The following FRMD4A variants were observed in gnomAD, a reference collection of about 807,000 sequenced individuals.
FRMD4A encodes the protein FERM domain containing 4A.
FRMD4A carries 29 observed loss-of-function variants against 129.1 expected under a neutral mutation model. That is an observed-to-expected ratio of 0.22 (90% CI 0.17 to 0.31). FRMD4A has a LOEUF of 0.31. Among genes scored for constraint, FRMD4A ranks in the 10% least tolerant of loss-of-function variants. The pLI is 1.00. For synonymous variants in FRMD4A, 634 were observed against 571.6 expected (o/e 1.11, Z -1.56); for missense variants, 1,272 against 1,375.8 (o/e 0.92, Z 1.19).
intron 2 of FRMD4A, among the ~76,000 whole-genome samples, chr10:14,039,403 C>CTATCTATCTATCTATCTATCTATCTATCT (rs1565204547): frequency 1.4e-5 from 2 of 141,302 alleles, no homozygotes; most frequent in African/African-American, 5.9e-5. Flanking sequence ...TCCATCCATC[C>CTATCTATCTATCTATCTATCTATCTATCT]ATCCATCTAT....
chr10:13,981,976 C>A (rs954913973), intron 2 of FRMD4A, among the ~76,000 whole-genome samples: 1 of 152,108 alleles, frequency 6.6e-6, no homozygotes, highest in Non-Finnish European at 1.5e-5. Context: ...AAAATGAAAG[C>A]CTTAGAAGCA....
At chr10:13,759,420 G>A (rs1025518617) in intron 8 of FRMD4A, among the ~76,000 whole-genome samples, 4 of 152,282 alleles carry the variant, frequency 2.6e-5, no homozygotes, top group Non-Finnish European at 4.4e-5. Flanking sequence ...CCCATGATCC[G>A]TGGGGCCAGA....
At chr10:13,832,708 G>C (rs1045045845) in intron 3 of FRMD4A, among the ~76,000 whole-genome samples, 5 of 152,196 alleles carry the variant, frequency 3.3e-5, no homozygotes, top group African/African-American at 1.2e-4. Context: ...GGGGACTAGA[G>C]GGTGAGGCCT....
Position 13,693,919 on chromosome 10 carries a change from T to G in FRMD4A, c.1096A>C (p.Ser366Arg), listed in dbSNP as rs1204402694. ...GSKGKIISGS[S>R]GSLLSSGSQE... ...CTACCTGAAGACAGCAGGCTGCCGC[T>G]GCTGCCGCTGATGATCTTCCCCTTG... The change falls in exon 15 of 25, where the codon AGC becomes CGC. Residue 366 changes from serine to arginine, a missense_variant. By Grantham distance (110) the Ser-to-Arg change is moderately radical. Transcript: ENST00000357447. The G allele has an allele frequency of 6.2e-7, 1 of 1,608,014 alleles. No individual in the cohort carries two copies. The highest frequency in any genetic ancestry group is 2.2e-5 in the East Asian group (1 of 44,820).
chr10:14,039,407 C>CATCTATCTATCTATCTATCTATCT lies in FRMD4A; in HGVS notation c.46-180519_46-180496dup, dbSNP rs1265069563. On this transcript the variant is annotated intron_variant, in intron 2 of 24. Coordinates refer to ENST00000357447, the MANE Select transcript of FRMD4A (RefSeq NM_018027.5). Reference sequence around the variant, plus strand: ...CCATCCATCCATCCATCCATCCATCCATCTATCTATCTATCTATCTATCTA... The same window carrying CATCTATCTATCTATCTATCTATCT: ...CCATCCATCCATCCATCCATCCATCCATCTATCTATCTATCTATCTATCTATCTATCTATCTATCTATCTATCTA... 1.8e-3 allele frequency among the ~76,000 whole-genome samples: 269 copies of CATCTATCTATCTATCTATCTATCT among 147,780 alleles called. 2 individuals carry two copies. Among genetic ancestry groups the CATCTATCTATCTATCTATCTATCT allele is most frequent in the African/African-American group, 6.6e-3 (256 of 38,676 alleles).
chr10:13,938,709 C>T (rs1610164), intron 2 of FRMD4A, among the ~76,000 whole-genome samples: 62,350 of 152,052 alleles, frequency 0.41, 13,247 homozygotes, highest in East Asian at 0.5. Context: ...CCTCTGCTCT[C>T]CAGCCAGTGG....
At chr10:14,317,317 C>T (rs1218423) in intron 2 of FRMD4A, among the ~76,000 whole-genome samples, 7,640 of 152,198 alleles carry the variant, frequency 0.05, 441 homozygotes, top group African/African-American at 0.14. Context: ...GTTGCTGGGA[C>T]GTGTGACTCT....
chr10:13,799,877 A>G (rs1269131101), intron 4 of FRMD4A, among the ~76,000 whole-genome samples: 1 of 152,040 alleles, frequency 6.6e-6, no homozygotes, highest in Non-Finnish European at 1.5e-5. Flanking sequence ...ACAATTAGTT[A>G]TTTTTAAAAA....
intron 2 of FRMD4A, among the ~76,000 whole-genome samples, chr10:13,919,608 G>A (rs1455696881): frequency 2.0e-5 from 3 of 151,914 alleles, no homozygotes; most frequent in South Asian, 2.1e-4. Flanking sequence ...CAATTAAGTG[G>A]AGGAATACTT....
At chr10:13,897,068 A>G (rs937302455) in intron 2 of FRMD4A, among the ~76,000 whole-genome samples, 1 of 152,236 alleles carries the variant, frequency 6.6e-6, no homozygotes, top group African/African-American at 2.4e-5. Context: ...AAAATGGAAC[A>G]CTAGGCGTAA....
chr10:13,715,859 C>T (rs995703667), intron 12 of FRMD4A, among the ~76,000 whole-genome samples: 3 of 145,508 alleles, frequency 2.1e-5, no homozygotes, highest in Admixed American at 7.1e-5. Context: ...TGAGCAGAGA[C>T]GTGTCACTGC....
chr10:13,788,762 G>C (rs1019447566), intron 5 of FRMD4A, among the ~76,000 whole-genome samples: 3 of 152,218 alleles, frequency 2.0e-5, no homozygotes, highest in African/African-American at 7.2e-5. Flanking sequence ...AACGAAATAG[G>C]TGCTCTGTGT....
intron 2 of FRMD4A, among the ~76,000 whole-genome samples, chr10:13,867,686 TATATA>T (rs1302034281): frequency 7.5e-5 from 9 of 119,326 alleles, no homozygotes; most frequent in African/African-American, 2.9e-4. Context: ...ATAATAAATA[TATATA>T]ATATAATATA....
intron 3 of FRMD4A, among the ~76,000 whole-genome samples, chr10:13,831,855 G>C (rs1465929267): frequency 6.6e-6 from 1 of 152,068 alleles, no homozygotes. Context: ...CCGGGGGAGA[G>C]GCTGAGCTAC....
chr10:13,972,041 G>T, intron 2 of FRMD4A: 1 of 1,158,496 alleles, frequency 8.6e-7, no homozygotes, highest in South Asian at 1.8e-5. Flanking sequence ...CCCTCCCAAA[G>T]TGTTTTCTCC....
chr10:13,795,508 C>A (rs532727325), intron 5 of FRMD4A, among the ~76,000 whole-genome samples: 4 of 152,338 alleles, frequency 2.6e-5, no homozygotes, highest in Admixed American at 1.3e-4. Context: ...ATGTCTGGAA[C>A]TGCATTCCTG....
intron 2 of FRMD4A, among the ~76,000 whole-genome samples, chr10:14,000,514 A>T (rs1377683894): frequency 6.6e-6 from 1 of 151,656 alleles, no homozygotes; most frequent in East Asian, 1.9e-4. Flanking sequence ...AGGCATGGTG[A>T]TGGATGCCTT....
chr10:13,688,417 A>G (rs1446078641), intron 15 of FRMD4A, among the ~76,000 whole-genome samples: 1 of 152,096 alleles, frequency 6.6e-6, no homozygotes, highest in East Asian at 1.9e-4. Context: ...AGGGGGAGGG[A>G]TAGCATTAGG....
chr10:14,129,355 C>A, intron 2 of FRMD4A, among the ~76,000 whole-genome samples: 1 of 117,574 alleles, frequency 8.5e-6, no homozygotes, highest in Non-Finnish European at 1.7e-5. Flanking sequence ...TAATTTAAAA[C>A]AACACAATTA....
Sources: gnomAD v4.1 joint callset for allele counts (sites outside exome capture counted in the v4.1 genomes callset) on GRCh38, gnomAD v4.1.1 for gene constraint, MANE v1.5 for transcripts, NCBI Gene and HGNC (gene_info 2026-07-23, HGNC 2026-07-21) for gene names.